BRME1: variants seen among roughly 807,000 people sequenced by gnomAD.
The protein encoded by BRME1 is BRCA2 and MEILB2-associating protein 1.
BRME1 carries 31 observed loss-of-function variants against 52.6 expected under a neutral mutation model. The observed-to-expected ratio is 0.59, with a 90% CI of 0.44 to 0.80. The LOEUF is 0.80. Ranked by LOEUF, BRME1 falls within the 30% of genes least tolerant of loss-of-function variation. The probability of loss-of-function intolerance (pLI) is 0.00; values close to 1 mark genes in which losing one functional copy is unlikely to be tolerated. For missense variants in BRME1, 804 were observed against 860.3 expected (o/e 0.93, Z 0.82); for synonymous variants, 359 against 353.6 (o/e 1.02, Z -0.17).
At chr19:13,898,923 CAA>C (rs1159325305) in intron 2 of BRME1, among the ~76,000 whole-genome samples, 20,682 of 66,962 alleles carry the variant, frequency 0.31, 2,908 homozygotes, top group African/African-American at 0.54. Context: ...AACTCCATCT[CAA>C]AAAAAAAAAA....
chr19:13,889,769 C>A lies in BRME1; in HGVS notation c.1087G>T (p.Ala363Ser). ...ALEVAGPDGQ[A>S]SAISPASPRR... Reference sequence around the variant, plus strand: ...GGAGAGGCAGGTGATATGGCACTGGCCTGCCCATCGGGCCCAGCCACCTCC... The same window carrying A: ...GGAGAGGCAGGTGATATGGCACTGGACTGCCCATCGGGCCCAGCCACCTCC... Residue 363 changes from alanine to serine, a missense_variant, in exon 6 of 9, where the codon GCC (alanine) becomes TCC (serine). Around this residue, in one of 3 missense-constraint regions of BRME1, gnomAD observed 552 missense variants for 561.1 expected, o/e 0.98. Coordinates refer to ENST00000586783, the MANE Select transcript of BRME1 (RefSeq NM_001345843.2). 6.2e-7 allele frequency: 1 copy of A among 1,611,372 alleles called. No homozygotes were observed. The highest frequency in any genetic ancestry group is 8.5e-7 in the Non-Finnish European group (1 of 1,179,602).
chr19:13,885,518 G>A (rs184483038), intron 7 of BRME1: 212 of 158,342 alleles, frequency 1.3e-3, no homozygotes, highest in Non-Finnish European at 1.9e-3. Flanking sequence ...CAAGTGGGGA[G>A]GGGAGGAGGT....
intron 2 of BRME1, among the ~76,000 whole-genome samples, chr19:13,902,799 C>T (rs1326190310): frequency 2.0e-5 from 3 of 151,552 alleles, no homozygotes; most frequent in Non-Finnish European, 4.4e-5. Context: ...GTGGTGGGTG[C>T]CTGTAATCCC....
At chr19:13,890,972 G>A (rs189625479) in intron 5 of BRME1, among the ~76,000 whole-genome samples, 30 of 152,058 alleles carry the variant, frequency 2.0e-4, no homozygotes, top group Admixed American at 5.3e-4. Flanking sequence ...CATCATGCAT[G>A]GAAATAGGCA....
At chr19:13,902,840 G>A (rs769405662) in intron 2 of BRME1, among the ~76,000 whole-genome samples, 38 of 151,066 alleles carry the variant, frequency 2.5e-4, no homozygotes, top group Admixed American at 4.6e-4. Flanking sequence ...CAGGAGAATC[G>A]CCTGAACTTG....
At position 13,891,135 on chromosome 19, in the gene BRME1, T is replaced by TTTTTTTTTTTTTTTATTA. The variant is rs59151567; in HGVS notation, c.394-674_394-673insTAATAAAAAAAAAAAAAA. On this transcript the variant is annotated intron_variant, in intron 5 of 8. Coordinates refer to ENST00000586783, the MANE Select transcript of BRME1 (RefSeq NM_001345843.2). ...AGACCACACCAATGTCAATTTCCTG[T>TTTTTTTTTTTTTTTATTA]TTATTATTATTATTATTATTATTAT... Among the ~76,000 whole-genome samples the TTTTTTTTTTTTTTTATTA allele has an allele frequency of 4.4e-3, 646 of 146,624 alleles. 8 individuals are homozygous for TTTTTTTTTTTTTTTATTA. The highest frequency in any genetic ancestry group is 0.016 in the African/African-American group (610 of 38,786).
chr19:13,889,124 G>A, intron 6 of BRME1, 64 bp downstream of exon 6: 1 of 1,429,962 alleles, frequency 7.0e-7, no homozygotes, highest in East Asian at 2.3e-5. Flanking sequence ...GAGTGAGGAG[G>A]GGGCTTGTGG....
At position 13,882,372 on chromosome 19, in the gene BRME1, T is replaced by C. The variant is rs563622535; in HGVS notation, c.*430A>G. 1 of 402,430 alleles carries C rather than the reference T, an allele frequency of 2.5e-6. No individual in the cohort carries two copies. The highest frequency in any genetic ancestry group is 1.1e-4 in the South Asian group (1 of 8,936). The allele number at this position is 402,430 out of a possible 1,614,324, so 24.9% of individuals were successfully genotyped here. ...GTCACGGGGCCTCTACAGAATCATT[T>C]ATTATGGGTCTTCCCAGAAGAAATA... On this transcript the variant is annotated 3_prime_UTR_variant, in exon 9 of 9. Transcript: ENST00000586783.
At chr19:13,904,501 G>A (rs182712865) in intron 2 of BRME1, among the ~76,000 whole-genome samples, 32 of 152,070 alleles carry the variant, frequency 2.1e-4, no homozygotes, top group African/African-American at 7.2e-4. Flanking sequence ...GAGTGCAGTG[G>A]CACCATCTTG....
intron 5 of BRME1, among the ~76,000 whole-genome samples, chr19:13,891,255 T>A (rs1969482155): frequency 6.6e-6 from 1 of 151,158 alleles, no homozygotes; most frequent in African/African-American, 2.4e-5. Flanking sequence ...GTTCACGCAA[T>A]TCTCCTGCCT....
chr19:13,892,588 C>CA (rs1969581348), intron 5 of BRME1, among the ~76,000 whole-genome samples, 198 bp downstream of exon 5: 1 of 150,606 alleles, frequency 6.6e-6, no homozygotes, highest in East Asian at 1.9e-4. Context: ...AACTCTGTCT[C>CA]AAAAAAAAGA....
chr19:13,888,591 G>A lies in BRME1; in HGVS notation c.1668+597C>T, dbSNP rs1969208976. ...GCTGGCACCGGCTCTGGAGCCAGAG[G>A]AGGCCACATCCGGGCAGCCGGTGGG... is the stretch of plus-strand genomic sequence containing the variant. On this transcript the variant is annotated intron_variant, in intron 6 of 8. Coordinates refer to ENST00000586783, the MANE Select transcript of BRME1 (RefSeq NM_001345843.2). This position sits in a 1 kb window ranked among gnomAD's most constrained non-coding sequence, Gnocchi z 4.1. Among the ~76,000 whole-genome samples the A allele has an allele frequency of 6.6e-6, 1 of 152,376 alleles. No homozygotes were observed. The highest frequency in any genetic ancestry group is 2.4e-5 in the African/African-American group (1 of 41,592).
At position 13,882,816 on chromosome 19, in the gene BRME1, A is replaced by G; in HGVS notation, c.1993T>C (p.Trp665Arg). 1 of 1,613,958 alleles carries G rather than the reference A, an allele frequency of 6.2e-7. No homozygotes were observed. The highest frequency in any genetic ancestry group is 8.5e-7 in the Non-Finnish European group (1 of 1,179,948). The change falls in exon 9 of 9, where the codon TGG (tryptophan) becomes CGG (arginine). Residue 665 changes from tryptophan to arginine, a missense_variant. Around this residue, in one of 3 missense-constraint regions of BRME1, gnomAD observed 552 missense variants for 561.1 expected, o/e 0.98. Coordinates refer to ENST00000586783, the MANE Select transcript of BRME1 (RefSeq NM_001345843.2). ...CTCAAAGTGGCCTACAACTCCCTCC[A>G]GGGTGGGTCCCCTCGAGGGATATTC... Reference protein sequence around the residue: ...PGNIPRGDPPWREL With the variant: ...PGNIPRGDPPRREL
At chr19:13,887,754 A>C (rs1202761866) in intron 6 of BRME1, among the ~76,000 whole-genome samples, 1 of 147,270 alleles carries the variant, frequency 6.8e-6, no homozygotes, top group Non-Finnish European at 1.5e-5. Context: ...CTACCACTGA[A>C]CCACACTGTG....
chr19:13,886,114 G>A, intron 6 of BRME1, 59 bp from the exon 7 acceptor site: 1 of 1,451,572 alleles, frequency 6.9e-7, no homozygotes, highest in Non-Finnish European at 9.6e-7. Context: ...GCTCTGCACA[G>A]GGGAACCAGA....
In BRME1 at chr19:13,883,209, G is replaced by A. The variant is rs1968765529; in HGVS notation, c.1856+99C>T. The A allele has an allele frequency of 3.4e-6, 4 of 1,174,832 alleles. No individual in the cohort carries two copies. The highest frequency in any genetic ancestry group is 4.8e-6 in the Non-Finnish European group (4 of 833,750). 72.8% of individuals were successfully genotyped at this position (1,174,832 alleles called of 1,614,324 possible). Reference sequence around the variant, plus strand: ...AGCAGTGAGGTGCCTGACCCTCGCTGCCCACCTAGGGGCTTCACACTTCAG... The same window carrying A: ...AGCAGTGAGGTGCCTGACCCTCGCTACCCACCTAGGGGCTTCACACTTCAG... On this transcript the variant is annotated intron_variant, in intron 8 of 8. Transcript: ENST00000586783. This position sits in a 1 kb window ranked among gnomAD's most constrained non-coding sequence, Gnocchi z 4.2.
At position 13,890,477 on chromosome 19, in the gene BRME1, A is replaced by G; in HGVS notation, c.394-15T>C. The G allele has an allele frequency of 6.8e-7, 1 of 1,477,248 alleles. No homozygotes were observed. Among genetic ancestry groups the G allele is most frequent in the Non-Finnish European group, 8.9e-7 (1 of 1,120,560 alleles). 91.5% of individuals were successfully genotyped at this position (1,477,248 alleles called of 1,614,324 possible). On this transcript the variant is annotated splice_polypyrimidine_tract_variant and intron_variant, in intron 5 of 8. Coordinates refer to ENST00000586783, the MANE Select transcript of BRME1 (RefSeq NM_001345843.2). Reference sequence around the variant, plus strand: ...GCGATTGTTTCCTGTGGACAGAAAAAGACTCAGCCCCGGGGCCTTTGATAA... The same window carrying G: ...GCGATTGTTTCCTGTGGACAGAAAAGGACTCAGCCCCGGGGCCTTTGATAA...
intron 5 of BRME1, 67 bp from the exon 6 acceptor site, chr19:13,890,529 A>C (rs1969413315): frequency 1.0e-5 from 14 of 1,399,856 alleles, no homozygotes; most frequent in Non-Finnish European, 1.3e-5. Context: ...GTTTTCTATT[A>C]GGTTGGTGTA....
chr19:13,885,458 C>G (rs1968937901), intron 7 of BRME1: 3 of 154,458 alleles, frequency 1.9e-5, no homozygotes, highest in African/African-American at 7.2e-5. Flanking sequence ...TGGAGGACGG[C>G]TCACTGGTGG....
Sources: allele counts gnomAD v4.1 joint callset (sites outside exome capture counted in the v4.1 genomes callset), GRCh38; gene constraint gnomAD v4.1.1; regional missense constraint gnomAD v4.1.1; non-coding constraint Gnocchi (gnomAD v3.1); transcripts MANE v1.5; gene names NCBI Gene and HGNC (gene_info 2026-07-23, HGNC 2026-07-21).